Variants in ADGRL2 observed in about 807,000 individuals in gnomAD.
ADGRL2 encodes the protein calcium-independent alpha-latrotoxin receptor 2.
Under a neutral mutation model 157.4 loss-of-function variants are expected in ADGRL2, and 44 were observed. The observed-to-expected ratio is 0.28, with a 90% confidence interval of 0.22 to 0.36. ADGRL2 has a LOEUF of 0.36. Ranked by LOEUF, ADGRL2 falls within the 10% of genes least tolerant of loss-of-function variation. ADGRL2 has a pLI of 1.00. For synonymous variants in ADGRL2, 585 were observed against 624.7 expected (o/e 0.94, Z 0.95); for missense variants, 1,510 against 1,768.9 (o/e 0.85, Z 2.63).
intron 23 of ADGRL2, chr1:81,989,740 T>C: frequency 6.2e-7 from 1 of 1,606,076 alleles, no homozygotes. Flanking sequence ...TCTATCGTGA[T>C]GTTGGATGGT....
intron 1 of ADGRL2, among the ~76,000 whole-genome samples, chr1:81,376,182 C>A (rs1002813576): frequency 1.3e-5 from 2 of 152,164 alleles, no homozygotes; most frequent in African/African-American, 4.8e-5. Flanking sequence ...TTGTTCAATT[C>A]AAAACTGTAA....
chr1:81,660,689 T>TA (rs1198228440), intron 3 of ADGRL2, among the ~76,000 whole-genome samples: 2 of 152,152 alleles, frequency 1.3e-5, no homozygotes, highest in Non-Finnish European at 2.9e-5. Flanking sequence ...ACAAAAAATT[T>TA]AAAAGAAAAC....
intron 1 of ADGRL2, among the ~76,000 whole-genome samples, chr1:81,361,160 G>A (rs1234390003): frequency 6.6e-6 from 1 of 151,806 alleles, no homozygotes; most frequent in African/African-American, 2.4e-5. Flanking sequence ...GGCATCATTC[G>A]TTAGATGATT....
At chr1:81,614,525 T>G (rs1185901409) in intron 3 of ADGRL2, among the ~76,000 whole-genome samples, 1 of 152,158 alleles carries the variant, frequency 6.6e-6, no homozygotes, top group Non-Finnish European at 1.5e-5. Flanking sequence ...AAAGATTTTT[T>G]TTCATGTAAA....
chr1:81,722,603 A>C, intron 1 of ADGRL2: 1 of 1,447,380 alleles, frequency 6.9e-7, no homozygotes, highest in Non-Finnish European at 9.6e-7. Flanking sequence ...GATGTAGCCC[A>C]TGATCTTGCC....
chr1:81,600,429 A>G (rs1199838604), intron 3 of ADGRL2, among the ~76,000 whole-genome samples: 1 of 152,216 alleles, frequency 6.6e-6, no homozygotes, highest in Non-Finnish European at 1.5e-5. Flanking sequence ...GAAGGGGCAG[A>G]CAGGCCTAGA....
intron 2 of ADGRL2, among the ~76,000 whole-genome samples, chr1:81,776,764 G>A (rs892191483): frequency 6.6e-6 from 1 of 152,120 alleles, no homozygotes; most frequent in African/African-American, 2.4e-5. Flanking sequence ...AAGTTAACAG[G>A]AACTGGAGAA....
At chr1:81,526,770 T>G (rs2079467789) in intron 2 of ADGRL2, among the ~76,000 whole-genome samples, 2 of 152,244 alleles carry the variant, frequency 1.3e-5, no homozygotes, top group African/African-American at 4.8e-5. Flanking sequence ...GAAAGTCTAT[T>G]TCGAATATAC....
chr1:81,558,355 T>A (rs969742434), intron 2 of ADGRL2, among the ~76,000 whole-genome samples: 5 of 152,332 alleles, frequency 3.3e-5, no homozygotes, highest in African/African-American at 9.6e-5. Context: ...AATAGTTTAT[T>A]TGTGATAATA....
At chr1:81,727,815 AT>A (rs1476487274) in intron 1 of ADGRL2, among the ~76,000 whole-genome samples, 2 of 125,878 alleles carry the variant, frequency 1.6e-5, no homozygotes, top group Non-Finnish European at 3.6e-5. Flanking sequence ...TGAATAAAAT[AT>A]ATATATATAT....
chr1:81,326,058 A>G (rs1352713518), intron 1 of ADGRL2, among the ~76,000 whole-genome samples: 1 of 152,190 alleles, frequency 6.6e-6, no homozygotes, highest in Non-Finnish European at 1.5e-5. Flanking sequence ...GACTATATAA[A>G]TATATACAGG....
At chr1:81,548,500 A>T (rs952603493) in intron 2 of ADGRL2, among the ~76,000 whole-genome samples, 1 of 152,034 alleles carries the variant, frequency 6.6e-6, no homozygotes, top group African/African-American at 2.4e-5. Context: ...ACTGTTAAGT[A>T]GCTTTAAAAT....
intron 3 of ADGRL2, among the ~76,000 whole-genome samples, chr1:81,583,289 G>T (rs2080954892): frequency 6.6e-6 from 1 of 152,050 alleles, no homozygotes; most frequent in African/African-American, 2.4e-5. Flanking sequence ...TACCTGAAAG[G>T]TTATTTTGTT....
intron 11 of ADGRL2, among the ~76,000 whole-genome samples, chr1:81,963,334 G>A (rs915669227): frequency 1.4e-4 from 22 of 151,890 alleles, no homozygotes; most frequent in Admixed American, 1.4e-3. Flanking sequence ...GTAGTTAATT[G>A]TGTTTACTGT....
intron 1 of ADGRL2, among the ~76,000 whole-genome samples, chr1:81,345,222 G>A (rs1046949152): frequency 6.6e-6 from 1 of 152,066 alleles, no homozygotes; most frequent in African/African-American, 2.4e-5. Context: ...CCCAAATATA[G>A]GGCAGCTCTC....
At chr1:81,403,425 C>A (rs2076795873) in intron 1 of ADGRL2, among the ~76,000 whole-genome samples, 1 of 151,994 alleles carries the variant, frequency 6.6e-6, no homozygotes, top group South Asian at 2.1e-4. Flanking sequence ...CCACCCACTC[C>A]CAGCTAAGTT....
chr1:81,478,350 G>A (rs1008716307), intron 2 of ADGRL2, among the ~76,000 whole-genome samples: 2 of 152,208 alleles, frequency 1.3e-5, no homozygotes, highest in African/African-American at 2.4e-5. Flanking sequence ...TGCCTACAAT[G>A]AGACTCTGTT....
intron 3 of ADGRL2, among the ~76,000 whole-genome samples, chr1:81,936,458 A>G (rs2095311988): frequency 6.6e-6 from 1 of 151,938 alleles, no homozygotes; most frequent in Non-Finnish European, 1.5e-5. Context: ...ATCAAAAATT[A>G]AAATGTATAA....
At chr1:81,306,745 T>A (rs1659362522) in intron 1 of ADGRL2, among the ~76,000 whole-genome samples, 1 of 152,194 alleles carries the variant, frequency 6.6e-6, no homozygotes, top group Admixed American at 6.5e-5. Context: ...GATTAGAGTA[T>A]CCACTCTCTA....
Sources: allele counts gnomAD v4.1 joint callset (sites outside exome capture counted in the v4.1 genomes callset), GRCh38; gene constraint gnomAD v4.1.1; transcripts MANE v1.5; gene names NCBI Gene and HGNC (gene_info 2026-07-23, HGNC 2026-07-21).